FHIT: variants seen among roughly 807,000 people sequenced by gnomAD.
FHIT encodes the protein bis(5'-adenosyl)-triphosphatase.
Under a neutral mutation model 17.9 loss-of-function variants are expected in FHIT, and 19 were observed. That is an observed-to-expected ratio of 1.06 (90% CI 0.74 to 1.56). The LOEUF is 1.56. Ranked by LOEUF, FHIT falls within the 40% of genes most tolerant of loss-of-function variation. The probability of loss-of-function intolerance (pLI) is 0.00; values close to 1 mark genes in which losing one functional copy is unlikely to be tolerated. For synonymous variants in FHIT, 81 were observed against 69.7 expected (o/e 1.16, Z -0.81); for missense variants, 248 against 189.2 (o/e 1.31, Z -1.82).
In FHIT at chr3:61,040,733, G is replaced by T. The variant is rs117673894; in HGVS notation, c.-111+1314C>A. Among the ~76,000 whole-genome samples the T allele has an allele frequency of 5.5e-4, 84 of 152,288 alleles. 1 individual carries two copies. In the East Asian group the frequency reaches 0.016, roughly 29 times the overall value. Reference sequence around the variant, plus strand: ...GCACATGAAGCATGGGTATATGCTAGCAGAAGAACACTTTCAGACATCCCA... The same window carrying T: ...GCACATGAAGCATGGGTATATGCTATCAGAAGAACACTTTCAGACATCCCA... On this transcript the variant is annotated intron_variant, in intron 3 of 9. Coordinates refer to ENST00000492590, the MANE Select transcript of FHIT (RefSeq NM_002012.4).
intron 5 of FHIT, among the ~76,000 whole-genome samples, chr3:60,400,915 C>G (rs148469758): frequency 4.0e-5 from 6 of 151,746 alleles, no homozygotes; most frequent in African/African-American, 1.2e-4. Context: ...AATCCAAATT[C>G]TTTGGTTAAA....
At chr3:59,839,540 C>A (rs990768223) in intron 8 of FHIT, among the ~76,000 whole-genome samples, 1 of 152,048 alleles carries the variant, frequency 6.6e-6, no homozygotes, top group Admixed American at 6.6e-5. Context: ...GTTGATGAAG[C>A]AGCTCTGCCT....
chr3:60,023,513 T>A (rs531050727), intron 5 of FHIT, among the ~76,000 whole-genome samples: 1 of 152,206 alleles, frequency 6.6e-6, no homozygotes, highest in Non-Finnish European at 1.5e-5. Flanking sequence ...GGTTTGCTTA[T>A]GTCATTTAAG....
intron 8 of FHIT, among the ~76,000 whole-genome samples, chr3:59,904,479 A>G (rs970378795): frequency 2.0e-5 from 3 of 152,130 alleles, no homozygotes; most frequent in African/African-American, 7.2e-5. Context: ...TTTCCCTTCA[A>G]TATTCCCCAC....
At chr3:60,439,623 C>T (rs1404949155) in intron 5 of FHIT, among the ~76,000 whole-genome samples, 1 of 152,056 alleles carries the variant, frequency 6.6e-6, no homozygotes, top group African/African-American at 2.4e-5. Flanking sequence ...CCTTCTGATA[C>T]TCCTAAATAC....
chr3:59,805,114 G>C (rs1485224872), intron 8 of FHIT, among the ~76,000 whole-genome samples: 3 of 152,064 alleles, frequency 2.0e-5, no homozygotes, highest in Non-Finnish European at 4.4e-5. Flanking sequence ...GGCTGTATGG[G>C]GCACGGAATA....
At chr3:61,030,804 C>T (rs1000218585) in intron 3 of FHIT, among the ~76,000 whole-genome samples, 15 of 152,076 alleles carry the variant, frequency 9.9e-5, no homozygotes, top group Non-Finnish European at 1.9e-4. Context: ...AGAGGCAGGC[C>T]GTGAGCTGCC....
chr3:60,961,888 CT>C (rs1709468992), intron 3 of FHIT, among the ~76,000 whole-genome samples: 1 of 152,106 alleles, frequency 6.6e-6, no homozygotes, highest in Non-Finnish European at 1.5e-5. Context: ...GTTCTTTTGG[CT>C]TAGGATTGAC....
intron 8 of FHIT, among the ~76,000 whole-genome samples, chr3:59,764,067 C>A (rs1457841952): frequency 6.6e-6 from 1 of 152,206 alleles, no homozygotes; most frequent in Non-Finnish European, 1.5e-5. Context: ...CTGGACCCAG[C>A]ACTGCCTCTG....
intron 7 of FHIT, among the ~76,000 whole-genome samples, chr3:59,961,335 T>A (rs1001942793): frequency 6.6e-6 from 1 of 152,202 alleles, no homozygotes; most frequent in African/African-American, 2.4e-5. Context: ...AATTACTTAA[T>A]TATTAGATAC....
At chr3:61,108,818 A>T (rs2036068577) in intron 2 of FHIT, among the ~76,000 whole-genome samples, 1 of 152,208 alleles carries the variant, frequency 6.6e-6, no homozygotes, top group Non-Finnish European at 1.5e-5. Context: ...TACTATGCAC[A>T]TATGATATGC....
chr3:60,133,712 T>C (rs2107275212), intron 5 of FHIT, among the ~76,000 whole-genome samples: 1 of 151,478 alleles, frequency 6.6e-6, no homozygotes, highest in African/African-American at 2.4e-5. Flanking sequence ...CCTTCCAATG[T>C]TAACCTCTGC....
chr3:60,971,652 CTGTT>C (rs752412624), intron 3 of FHIT, among the ~76,000 whole-genome samples: 1 of 151,858 alleles, frequency 6.6e-6, no homozygotes, highest in Non-Finnish European at 1.5e-5. Context: ...GCTGTAATTT[CTGTT>C]TGTTTGCAGT....
intron 8 of FHIT, among the ~76,000 whole-genome samples, chr3:59,854,308 T>G (rs560011647): frequency 6.6e-6 from 1 of 152,298 alleles, no homozygotes; most frequent in South Asian, 2.1e-4. Flanking sequence ...GATTTATATC[T>G]GCCACACGTG....
chr3:61,191,970 A>T (rs1004678350), intron 2 of FHIT, among the ~76,000 whole-genome samples: 1 of 152,152 alleles, frequency 6.6e-6, no homozygotes, highest in Admixed American at 6.5e-5. Context: ...AATGAGACTT[A>T]AGGGGAAGTC....
chr3:60,295,201 G>C (rs564898981), intron 5 of FHIT, among the ~76,000 whole-genome samples: 10 of 152,196 alleles, frequency 6.6e-5, no homozygotes, highest in Non-Finnish European at 1.2e-4. Flanking sequence ...AGTGGGCTAT[G>C]ATTACACCTG....
chr3:60,839,261 C>T (rs1031343935), intron 3 of FHIT, among the ~76,000 whole-genome samples: 46 of 152,138 alleles, frequency 3.0e-4, no homozygotes, highest in African/African-American at 1.1e-3. Flanking sequence ...TATCTTTAGT[C>T]TAATACGTAT....
intron 2 of FHIT, among the ~76,000 whole-genome samples, chr3:61,086,934 A>T (rs1171732595): frequency 1.3e-5 from 2 of 149,048 alleles, no homozygotes; most frequent in African/African-American, 4.9e-5. Context: ...CCTACCACTC[A>T]CTCCCTTGTT....
chr3:60,424,428 G>T (rs1702587087), intron 5 of FHIT, among the ~76,000 whole-genome samples: 1 of 152,118 alleles, frequency 6.6e-6, no homozygotes, highest in African/African-American at 2.4e-5. Flanking sequence ...TAAACAAAAT[G>T]TATTTCTTGA....
Sources: allele counts gnomAD v4.1 joint callset (sites outside exome capture counted in the v4.1 genomes callset), GRCh38; gene constraint gnomAD v4.1.1; transcripts MANE v1.5; gene names NCBI Gene and HGNC (gene_info 2026-07-23, HGNC 2026-07-21).